The following NEK2 variants were observed in gnomAD, a reference collection of about 807,000 sequenced individuals.
NEK2 encodes the protein serine/threonine-protein kinase Nek2.
A neutral mutation model predicts 54.1 loss-of-function variants in NEK2; 28 were observed. The observed-to-expected ratio is 0.52, with a 90% CI of 0.38 to 0.71. NEK2 has a LOEUF of 0.71. Among genes scored for constraint, NEK2 ranks in the 30% least tolerant of loss-of-function variants. The pLI, the probability that NEK2 is intolerant of heterozygous loss-of-function variation, is 0.00. For missense variants in NEK2, 407 were observed against 531.5 expected (o/e 0.77, Z 2.30); for synonymous variants, 176 against 193.1 (o/e 0.91, Z 0.73).
chr1:211,674,245 TA>T lies in NEK2; in HGVS notation c.314+50del. On this transcript the variant is annotated intron_variant, in intron 2 of 7. Coordinates refer to ENST00000366999, the MANE Select transcript of NEK2 (RefSeq NM_002497.4). ...TGATCCTAAAACAAGATGCTTAAAA[TA>T]AATGAAACTAGACCAATTTCAGCTT... The T allele has an allele frequency of 3.4e-6, 5 of 1,449,722 alleles. No homozygotes were observed. In the South Asian group the frequency reaches 6.1e-5, roughly 18 times the overall value. The allele number at this position is 1,449,722 out of a possible 1,614,324, so 89.8% of individuals were successfully genotyped here. A position where few individuals can be genotyped will look rare whatever the true frequency, so the allele number is the denominator to read the frequency against.
In NEK2 at chr1:211,671,271, C is replaced by A; in HGVS notation, c.569G>T (p.Arg190Leu). The part of the protein sequence containing the change: ...PYYMSPEQMN[R>L]MSYNEKSDIW... ...ATCTGATTTCTCATTGTAGGACATG[C>A]GATTCATTTGTTCCTATACAGGGAA... The change falls in exon 4 of 8, where the codon CGC (arginine) becomes CTC (leucine). Residue 190 changes from arginine (R) to leucine (L), a missense_variant. By Grantham distance (102) the Arg-to-Leu change is moderately radical. Transcript: ENST00000366999. 6.2e-7 allele frequency: 1 copy of A among 1,612,736 alleles called. No homozygotes were observed. Among genetic ancestry groups the A allele is most frequent in the Non-Finnish European group, 8.5e-7 (1 of 1,178,984 alleles).
downstream of NEK2, chr1:211,661,404 T>C: frequency 3.3e-6 from 1 of 307,396 alleles, no homozygotes; most frequent in Admixed American, 4.4e-5. Flanking sequence ...ACTTTATTGG[T>C]AACACTTTGA....
chr1:211,670,342 C>A lies in NEK2; in HGVS notation c.704G>T (p.Arg235Leu), dbSNP rs372477595. Residue 235 changes from arginine (R) to leucine (L), a missense_variant, in exon 5 of 8, where the codon CGA becomes CTA. By Grantham distance (102) the Arg-to-Leu change is moderately radical (BLOSUM62 -2). Transcript: ENST00000366999. ...TTCATCAGAGTAACGGTATGGAATT[C>A]GCCTGAATTTGCCTTCTCTGATTTT... ...AGKIREGKFR[R>L]IPYRYSDELN... 12 of 1,612,920 alleles carry A rather than the reference C, an allele frequency of 7.4e-6. No individual in the cohort carries two copies. Among genetic ancestry groups the A allele is most frequent in the Non-Finnish European group, 7.6e-6 (9 of 1,179,178 alleles).
At chr1:211,673,370 C>T in intron 3 of NEK2, 113 bp downstream of exon 3, 1 of 1,302,944 alleles carries the variant, frequency 7.7e-7, no homozygotes, top group Non-Finnish European at 1.1e-6. Flanking sequence ...GCCCAGATCG[C>T]ACCACTGCAC....
chr1:211,666,174 G>T (rs925082510), intron 7 of NEK2, among the ~76,000 whole-genome samples: 1 of 152,148 alleles, frequency 6.6e-6, no homozygotes, highest in Non-Finnish European at 1.5e-5. Flanking sequence ...ACATCTCAGT[G>T]CGGCAGAGTG....
chr1:211,669,536 TAA>T (rs1454246000), intron 5 of NEK2: 3 of 573,104 alleles, frequency 5.2e-6, no homozygotes, highest in Non-Finnish European at 9.2e-6. Context: ...ATGCAGATGT[TAA>T]CTTACCTTTT....
chr1:211,673,430 G>C, intron 3 of NEK2, 53 bp downstream of exon 3: 1 of 1,603,764 alleles, frequency 6.2e-7, no homozygotes, highest in East Asian at 2.2e-5. Context: ...AAACAAACAA[G>C]AAAACAAAAA....
intron 7 of NEK2, among the ~76,000 whole-genome samples, chr1:211,665,437 T>C (rs1655147081): frequency 6.6e-6 from 1 of 152,230 alleles, no homozygotes; most frequent in African/African-American, 2.4e-5. Context: ...TACTTAGCTA[T>C]TTTCATCTTT....
At position 211,673,635 on chromosome 1, in the gene NEK2, G is replaced by A. The variant is rs1424895804; in HGVS notation, c.403C>T (p.His135Tyr). Reference sequence around the variant, plus strand: ...TTCAGATCCCGATGCAATACGGTATGACCACCATCACTTCGTCTGTGGCAT... The same window carrying A: ...TTCAGATCCCGATGCAATACGGTATAACCACCATCACTTCGTCTGTGGCAT... Reference protein sequence around the residue: ...KECHRRSDGGHTVLHRDLKPA... With the variant: ...KECHRRSDGGYTVLHRDLKPA... The change falls in exon 3 of 8, where the codon CAT (histidine) becomes TAT (tyrosine). Residue 135 changes from histidine (H) to tyrosine (Y), a missense_variant. Transcript: ENST00000366999. The A allele has an allele frequency of 6.2e-7, 1 of 1,614,122 alleles. No individual in the cohort carries two copies. The highest frequency in any genetic ancestry group is 1.7e-5 in the Admixed American group (1 of 60,024).
At chr1:211,658,718 TCAAAAAAAAAA>T (rs1571635132), downstream of NEK2, 2 of 14,958 alleles carry the variant, frequency 1.3e-4, no homozygotes, top group Non-Finnish European at 2.2e-4. Flanking sequence ...AGACTCTATC[TCAAAAAAAAAA>T]AAAAAAAAAA....
Position 211,663,272 on chromosome 1 carries a change from G to A in NEK2, c.*154C>T, listed in dbSNP as rs1041359629. ...GTGAACATTTTGTACAATAGTTGCTGAAGAACAGTAAAACCAATTCCGAAA... is the reference window on the plus strand; with the variant it reads ...GTGAACATTTTGTACAATAGTTGCTAAAGAACAGTAAAACCAATTCCGAAA... On this transcript the variant is annotated 3_prime_UTR_variant, in exon 8 of 8. Coordinates refer to ENST00000366999, the MANE Select transcript of NEK2 (RefSeq NM_002497.4). The A allele has an allele frequency of 1.1e-5, 16 of 1,410,836 alleles. No individual in the cohort carries two copies. Among genetic ancestry groups the A allele is most frequent in the Non-Finnish European group, 1.3e-5 (14 of 1,079,594 alleles). 87.4% of individuals were successfully genotyped at this position (1,410,836 alleles called of 1,614,324 possible). A position where few individuals can be genotyped will look rare whatever the true frequency, so the allele number is the denominator to read the frequency against.
At chr1:211,669,640 G>A (rs1655302133) in intron 5 of NEK2, 2 of 342,722 alleles carry the variant, frequency 5.8e-6, no homozygotes, top group African/African-American at 4.3e-5. Context: ...GCTAGGGTCT[G>A]TTTTAGGGGA....
At chr1:211,673,799 G>A (rs1284520158) in intron 2 of NEK2, 76 bp from the exon 3 acceptor site, 1 of 1,366,902 alleles carries the variant, frequency 7.3e-7, no homozygotes, top group East Asian at 2.3e-5. Context: ...AAATTATCCA[G>A]TGTACAAATA....
intron 5 of NEK2, 131 bp downstream of exon 5, chr1:211,670,150 A>G: frequency 1.0e-6 from 1 of 992,048 alleles, no homozygotes; most frequent in Non-Finnish European, 1.4e-6. Context: ...CACTTGTGTT[A>G]ACACAGTAAA....
At position 211,663,378 on chromosome 1, in the gene NEK2, G is replaced by C. The variant is rs760600093; in HGVS notation, c.*48C>G. The C allele has an allele frequency of 1.3e-6, 2 of 1,564,106 alleles. No homozygotes were observed. The highest frequency in any genetic ancestry group is 2.7e-5 in the African/African-American group (2 of 73,770). On this transcript the variant is annotated 3_prime_UTR_variant, in exon 8 of 8. Transcript: ENST00000366999. The stretch of plus-strand genomic sequence containing the variant: ...CAGCATTTGAATATCAGTCTTTAAA[G>C]GTTGGTAATATTACATCCTGTACAC...
chr1:211,672,787 C>CA (rs1361072964), intron 3 of NEK2, among the ~76,000 whole-genome samples: 1 of 152,082 alleles, frequency 6.6e-6, no homozygotes, highest in Non-Finnish European at 1.5e-5. Flanking sequence ...AGGGCAAGGA[C>CA]AAAATCCATT....
rs966411826 is a variant in NEK2, at chr1:211,674,285, A to C, written c.314+11T>G. 1.3e-6 allele frequency: 2 copies of C among 1,597,860 alleles called. No homozygotes were observed. The highest frequency in any genetic ancestry group is 1.7e-5 in the Admixed American group (1 of 58,654). On this transcript the variant is annotated intron_variant, in intron 2 of 7. Coordinates refer to ENST00000366999, the MANE Select transcript of NEK2 (RefSeq NM_002497.4). ...CAATTTCAGCTTACATTTTTAAAAG[A>C]TTATGCTTACCTTTCCTTGGTTCCC... is the stretch of plus-strand genomic sequence containing the variant.
At chr1:211,660,804 C>T (rs1464953563), downstream of NEK2, 1 of 700,968 alleles carries the variant, frequency 1.4e-6, no homozygotes, top group Non-Finnish European at 2.7e-6. Context: ...GGTAATAGGG[C>T]TGCTCCCAAC....
rs143249148 is a variant in NEK2, at chr1:211,669,267, G to A, written c.831C>T (p.Asp277=). 1.4e-4 allele frequency: 220 copies of A among 1,614,036 alleles called. 2 individuals carry two copies. Among genetic ancestry groups the A allele is most frequent in the East Asian group, 1.3e-3 (58 of 44,884 alleles). The part of the protein sequence containing the change: ...ENPLIADLVA[D]EQRRNLERRG... ...TTCTCTCAAGATTTCTTCTTTGCTCGTCTGCAACCAAATCTGCTATTAAAG... is the reference window on the plus strand; with the variant it reads ...TTCTCTCAAGATTTCTTCTTTGCTCATCTGCAACCAAATCTGCTATTAAAG... Residue 277 remains aspartate, a synonymous_variant, in exon 6 of 8, where the codon GAC becomes GAT. Transcript: ENST00000366999.
Sources: allele counts gnomAD v4.1 joint callset (sites outside exome capture counted in the v4.1 genomes callset), GRCh38; gene constraint gnomAD v4.1.1; transcripts MANE v1.5; gene names NCBI Gene and HGNC (gene_info 2026-07-23, HGNC 2026-07-21).